RAB38: variants seen among roughly 807,000 people sequenced by gnomAD.
RAB38 encodes the protein RAB38, member RAS oncogene family, also known as ras-related protein Rab-38.
Under a neutral mutation model 18.4 loss-of-function variants are expected in RAB38, and 15 were observed. That is an observed-to-expected ratio of 0.82 (90% CI 0.55 to 1.26). The LOEUF is 1.26. Among genes scored for constraint, RAB38 ranks in the 50% most tolerant of loss-of-function variants. The probability of loss-of-function intolerance (pLI) is 0.00; values close to 1 mark genes in which losing one functional copy is unlikely to be tolerated. For missense variants in RAB38, 294 were observed against 267.4 expected (o/e 1.10, Z -0.69); for synonymous variants, 101 against 104.4 (o/e 0.97, Z 0.20).
At chr11:87,937,239 A>G in the RAB38 span, among the ~76,000 whole-genome samples, 2 of 148,374 alleles carry the variant, frequency 1.3e-5, no homozygotes, top group Non-Finnish European at 3.0e-5. Context: ...GCTTATTAAT[A>G]TGGTAATTGC....
the RAB38 span, among the ~76,000 whole-genome samples, chr11:88,083,209 C>T: frequency 6.6e-6 from 1 of 151,754 alleles, no homozygotes; most frequent in Admixed American, 6.6e-5. Flanking sequence ...AATTGCACCC[C>T]TCATCCTAAG....
At chr11:87,831,115 C>A in the RAB38 span, among the ~76,000 whole-genome samples, 87 of 152,190 alleles carry the variant, frequency 5.7e-4, no homozygotes, top group African/African-American at 1.7e-3. Flanking sequence ...CTGGAAATTA[C>A]GTTTTAGAGA....
the RAB38 span, among the ~76,000 whole-genome samples, chr11:87,834,405 A>G: frequency 1.3e-5 from 2 of 152,204 alleles, no homozygotes; most frequent in South Asian, 4.1e-4. Context: ...CTGACCTTCA[A>G]AACTGGGAGG....
At chr11:87,977,569 T>G in the RAB38 span, among the ~76,000 whole-genome samples, 1 of 118,528 alleles carries the variant, frequency 8.4e-6, no homozygotes, top group East Asian at 2.5e-4. Context: ...TATAATATAC[T>G]TATGTAACAT....
the RAB38 span, among the ~76,000 whole-genome samples, chr11:88,099,716 T>A: frequency 6.6e-6 from 1 of 151,836 alleles, no homozygotes; most frequent in South Asian, 2.1e-4. Flanking sequence ...ATATTTGATA[T>A]CCTCCTAGGA....
the RAB38 span, among the ~76,000 whole-genome samples, chr11:87,953,418 C>G: frequency 6.6e-6 from 1 of 152,254 alleles, no homozygotes; most frequent in East Asian, 1.9e-4. Context: ...AGTAGTCCCC[C>G]CTTACTGGCA....
chr11:88,114,729 T>C (rs1339808199), intron 2 of RAB38, among the ~76,000 whole-genome samples: 1 of 152,188 alleles, frequency 6.6e-6, no homozygotes, highest in African/African-American at 2.4e-5. Flanking sequence ...TAAGAGCCAG[T>C]GCTCAGTTTC....
At chr11:88,093,659 C>G in the RAB38 span, among the ~76,000 whole-genome samples, 2 of 151,848 alleles carry the variant, frequency 1.3e-5, no homozygotes, top group African/African-American at 4.8e-5. Context: ...AAAGGGCTTT[C>G]TAAAATCTAG....
the RAB38 span, among the ~76,000 whole-genome samples, chr11:87,930,172 G>C: frequency 5.9e-5 from 9 of 152,082 alleles, no homozygotes; most frequent in African/African-American, 2.2e-4. Context: ...CTAGTTTACA[G>C]TCCCACCAAC....
At chr11:87,883,385 G>C in the RAB38 span, among the ~76,000 whole-genome samples, 4 of 151,964 alleles carry the variant, frequency 2.6e-5, no homozygotes, top group East Asian at 7.9e-4. Flanking sequence ...TCCTAGCTAG[G>C]TCACCTTACC....
At chr11:87,875,207 G>A in the RAB38 span, among the ~76,000 whole-genome samples, 1 of 151,068 alleles carries the variant, frequency 6.6e-6, no homozygotes, top group African/African-American at 2.4e-5. Flanking sequence ...GTTAAGTGGT[G>A]GATTGGTTAA....
the RAB38 span, among the ~76,000 whole-genome samples, chr11:88,010,573 A>G: frequency 6.6e-6 from 1 of 152,346 alleles, no homozygotes; most frequent in East Asian, 1.9e-4. Context: ...GGTTTGGTCA[A>G]CTTGGACTCA....
chr11:87,850,002 C>CTAA, the RAB38 span, among the ~76,000 whole-genome samples: 74 of 151,788 alleles, frequency 4.9e-4, no homozygotes, highest in African/African-American at 1.6e-3. Context: ...TTCTGTTAGC[C>CTAA]TAATAATAAT....
the RAB38 span, among the ~76,000 whole-genome samples, chr11:87,872,867 G>A: frequency 2.0e-5 from 3 of 151,524 alleles, no homozygotes; most frequent in Non-Finnish European, 4.4e-5. Context: ...TCTAAAGGAC[G>A]TATTGTTTAC....
At chr11:88,012,039 G>T in the RAB38 span, among the ~76,000 whole-genome samples, 1 of 152,164 alleles carries the variant, frequency 6.6e-6, no homozygotes. Flanking sequence ...TCACCTGAGA[G>T]ATGGGACAGG....
intron 1 of RAB38, chr11:88,174,058 T>C: frequency 1.0e-6 from 1 of 985,372 alleles, no homozygotes; most frequent in Non-Finnish European, 1.2e-6. Flanking sequence ...TCACAGACCA[T>C]GAAATAAGAC....
chr11:87,875,213 G>T, the RAB38 span, among the ~76,000 whole-genome samples: 1 of 151,248 alleles, frequency 6.6e-6, no homozygotes, highest in African/African-American at 2.4e-5. Flanking sequence ...TGGTGGATTG[G>T]TTAATTAGCT....
chr11:88,100,466 C>T, the RAB38 span, among the ~76,000 whole-genome samples: 10 of 151,856 alleles, frequency 6.6e-5, no homozygotes, highest in Non-Finnish European at 4.4e-5. Flanking sequence ...TATAATTCAT[C>T]GTCCAATTGT....
chr11:87,834,644 T>G, the RAB38 span, among the ~76,000 whole-genome samples: 1 of 152,144 alleles, frequency 6.6e-6, no homozygotes, highest in South Asian at 2.1e-4. Flanking sequence ...GATTTAGAGC[T>G]CAAAAGTTCT....
Sources: allele counts gnomAD v4.1 joint callset (sites outside exome capture counted in the v4.1 genomes callset), GRCh38; gene constraint gnomAD v4.1.1; transcripts MANE v1.5; gene names NCBI Gene and HGNC (gene_info 2026-07-23, HGNC 2026-07-21).